Variants in ZNF438 observed in about 807,000 individuals in gnomAD.
ZNF438 encodes the protein zinc finger protein 438.
In ZNF438, 25 loss-of-function variants were observed where a neutral mutation model predicts 38.0. The ratio of observed to expected loss-of-function variants is 0.66; its 90% confidence interval spans 0.48 to 0.92. The LOEUF is 0.92. Among genes scored for constraint, ZNF438 ranks in the 40% least tolerant of loss-of-function variants. The pLI is 0.00. For synonymous variants in ZNF438, 372 were observed against 364.1 expected (o/e 1.02, Z -0.25); for missense variants, 1,007 against 999.6 (o/e 1.01, Z -0.10).
chr10:31,000,279 C>T (rs569299892), intron 1 of ZNF438, among the ~76,000 whole-genome samples: 3 of 152,224 alleles, frequency 2.0e-5, no homozygotes, highest in East Asian at 1.9e-4. Flanking sequence ...CTCACACCCA[C>T]GTTATCTCGT....
chr10:31,008,097 G>C (rs1486421106), intron 1 of ZNF438, among the ~76,000 whole-genome samples: 1 of 152,010 alleles, frequency 6.6e-6, no homozygotes, highest in East Asian at 1.9e-4. Flanking sequence ...TTATATTGCT[G>C]AGTTACAGCC....
intron 1 of ZNF438, among the ~76,000 whole-genome samples, chr10:30,943,794 A>G (rs1342843085): frequency 6.6e-6 from 1 of 152,166 alleles, no homozygotes; most frequent in African/African-American, 2.4e-5. Flanking sequence ...TGGTGAGCAA[A>G]GGTACACATC....
rs138153973 is a variant in ZNF438 at position 30,906,822 on chromosome 10, G to A, written c.-32+2111C>T. 1.4e-4 allele frequency among the ~76,000 whole-genome samples: 21 copies of A among 152,268 alleles called. No individual in the cohort carries two copies. The East Asian group carries it at 4.0e-3, about 29-fold the overall frequency. ...GTGCTTTTTCTGTGTCTATTATCAT[G>A]TGACTTCTGTTCTCTATTCTATTAA... On this transcript the variant is annotated intron_variant, in intron 3 of 5. Coordinates refer to ENST00000413025, the Ensembl canonical transcript of ZNF438.
At position 30,864,222 on chromosome 10, in the gene ZNF438, T is replaced by C. The variant is rs574199609; in HGVS notation, c.37+12776A>G. ...CTGTGATGGGGGAAAGGAGAAGTAC[T>C]ATAACTCTAAATATACAATGCTCAA... is the stretch of plus-strand genomic sequence containing the variant. On this transcript the variant is annotated intron_variant, in intron 4 of 5. Transcript: ENST00000413025. Among the ~76,000 whole-genome samples the C allele has an allele frequency of 3.9e-5, 6 of 152,358 alleles. No individual in the cohort carries two copies. In the East Asian group the frequency reaches 5.8e-4, roughly 15 times the overall value.
intron 3 of ZNF438, among the ~76,000 whole-genome samples, chr10:30,878,338 T>C (rs2038751242): frequency 6.6e-6 from 1 of 152,100 alleles, no homozygotes; most frequent in African/African-American, 2.4e-5. Context: ...GAGAAGCAAC[T>C]TGACTTCAGA....
intron 1 of ZNF438, among the ~76,000 whole-genome samples, chr10:30,974,489 C>G (rs1433554536): frequency 6.6e-6 from 1 of 152,152 alleles, no homozygotes; most frequent in Admixed American, 6.5e-5. Flanking sequence ...AAAAACAGAA[C>G]AAGCAACAAC....
chr10:30,945,366 G>T (rs2047266704), intron 1 of ZNF438, among the ~76,000 whole-genome samples: 1 of 145,680 alleles, frequency 6.9e-6, no homozygotes, highest in African/African-American at 2.5e-5. Context: ...GTATCTGCAT[G>T]GTATCTCTTT....
At chr10:31,003,979 G>A (rs2132885466) in intron 1 of ZNF438, among the ~76,000 whole-genome samples, 1 of 152,178 alleles carries the variant, frequency 6.6e-6, no homozygotes, top group East Asian at 1.9e-4. Flanking sequence ...ATGCCTAGGA[G>A]ACATTCAAGT....
intron 4 of ZNF438, chr10:30,875,554 AC>A: frequency 1.0e-6 from 1 of 985,420 alleles, no homozygotes; most frequent in Non-Finnish European, 1.2e-6. Context: ...TGAATTTCAA[AC>A]CCTTCATCAG....
chr10:30,984,498 CCTT>C (rs766092996), intron 1 of ZNF438, 72 bp from the exon 2 acceptor site: 8 of 152,002 alleles, frequency 5.3e-5, no homozygotes, highest in Non-Finnish European at 1.0e-4. Flanking sequence ...GTAAAAGGTG[CCTT>C]CTTTTCAAGT....
intron 1 of ZNF438, among the ~76,000 whole-genome samples, chr10:31,006,630 A>G (rs955813202): frequency 2.0e-5 from 3 of 152,120 alleles, no homozygotes; most frequent in Non-Finnish European, 2.9e-5. Flanking sequence ...GGTTGGTCAG[A>G]AGCACAGGTA....
chr10:30,945,396 T>C (rs938928930), intron 1 of ZNF438, among the ~76,000 whole-genome samples: 1 of 151,686 alleles, frequency 6.6e-6, no homozygotes, highest in Non-Finnish European at 1.5e-5. Context: ...TACTTTTTTT[T>C]TTTTTATTTT....
intron 1 of ZNF438, among the ~76,000 whole-genome samples, chr10:31,025,175 T>TA (rs1437299529): frequency 6.6e-6 from 1 of 151,612 alleles, no homozygotes; most frequent in Non-Finnish European, 1.5e-5. Flanking sequence ...AATAAAAAAA[T>TA]AAAAAAGGAG....
chr10:30,903,793 C>G (rs1459776690), intron 3 of ZNF438, among the ~76,000 whole-genome samples: 1 of 152,178 alleles, frequency 6.6e-6, no homozygotes, highest in African/African-American at 2.4e-5. Context: ...CTGTATCTAA[C>G]TCAAATCAGG....
At chr10:30,861,200 C>T (rs181698170) in intron 4 of ZNF438, among the ~76,000 whole-genome samples, 86 of 152,290 alleles carry the variant, frequency 5.6e-4, no homozygotes, top group African/African-American at 1.5e-3. Flanking sequence ...ATAACCTATG[C>T]ATACCTCCTC....
At chr10:30,879,160 G>T (rs1401016864) in intron 3 of ZNF438, among the ~76,000 whole-genome samples, 1 of 152,068 alleles carries the variant, frequency 6.6e-6, no homozygotes, top group African/African-American at 2.4e-5. Flanking sequence ...AAAGGTCCAA[G>T]GTACACTACA....
At chr10:30,853,063 C>T (rs935810825) in intron 4 of ZNF438, among the ~76,000 whole-genome samples, 4 of 151,876 alleles carry the variant, frequency 2.6e-5, no homozygotes, top group Non-Finnish European at 5.9e-5. Context: ...TTATTGATGG[C>T]TTTTGGTTAC....
chr10:30,888,063 G>A (rs2040189019), intron 3 of ZNF438, among the ~76,000 whole-genome samples: 1 of 151,890 alleles, frequency 6.6e-6, no homozygotes, highest in Admixed American at 6.6e-5. Context: ...CCAGTTTTTG[G>A]TTATCATGAA....
chr10:30,985,278 C>T (rs1277862648), intron 1 of ZNF438, among the ~76,000 whole-genome samples: 1 of 152,184 alleles, frequency 6.6e-6, no homozygotes, highest in Admixed American at 6.5e-5. Context: ...TCATGGCTAG[C>T]TTAAAGACAC....
Sources: allele counts gnomAD v4.1 joint callset (sites outside exome capture counted in the v4.1 genomes callset), GRCh38; gene constraint gnomAD v4.1.1; transcripts MANE v1.5; gene names NCBI Gene and HGNC (gene_info 2026-07-23, HGNC 2026-07-21).